TMTC1: variants seen among roughly 807,000 people sequenced by gnomAD.
TMTC1 encodes transmembrane O-mannosyltransferase targeting cadherins 1.
In TMTC1, 73 loss-of-function variants were observed where a neutral mutation model predicts 104.8. The ratio of observed to expected loss-of-function variants is 0.70; its 90% CI spans 0.58 to 0.85. The LOEUF is 0.85. Ranked by LOEUF, TMTC1 falls within the 40% of genes least tolerant of loss-of-function variation. The probability of loss-of-function intolerance (pLI) is 0.00; values close to 1 mark genes in which losing one functional copy is unlikely to be tolerated. For missense variants in TMTC1, 1,035 were observed against 1,096.1 expected, an observed-to-expected ratio of 0.94 and a Z score of 0.79; for synonymous variants, 434 against 428.7, an observed-to-expected ratio of 1.01 and a Z score of -0.15.
intron 5 of TMTC1, among the ~76,000 whole-genome samples, chr12:29,728,707 G>A (rs1226696699): frequency 6.6e-6 from 1 of 151,828 alleles, no homozygotes; most frequent in Admixed American, 6.6e-5. Context: ...GGCTTAAAAA[G>A]CACTGCTCTG....
intron 5 of TMTC1, among the ~76,000 whole-genome samples, chr12:29,732,318 C>T (rs1942565105): frequency 6.6e-6 from 1 of 152,072 alleles, no homozygotes; most frequent in Admixed American, 6.5e-5. Flanking sequence ...AGGTAGATGA[C>T]AAGAAAGGAA....
intron 5 of TMTC1, among the ~76,000 whole-genome samples, chr12:29,687,635 C>A (rs1941136062): frequency 6.6e-6 from 1 of 152,112 alleles, no homozygotes; most frequent in Non-Finnish European, 1.5e-5. Context: ...AAAAGAATGT[C>A]CTTGTGTACT....
At chr12:29,782,004 A>G (rs1943845465) in intron 1 of TMTC1, among the ~76,000 whole-genome samples, 1 of 152,222 alleles carries the variant, frequency 6.6e-6, no homozygotes. Flanking sequence ...GGCTGTTACA[A>G]AGATAGCAAG....
chr12:29,523,693 G>A (rs909649392), intron 11 of TMTC1, among the ~76,000 whole-genome samples: 6 of 152,160 alleles, frequency 3.9e-5, no homozygotes, highest in African/African-American at 1.4e-4. Flanking sequence ...AGTGAGCTTT[G>A]TAAGATGGTT....
intron 10 of TMTC1, among the ~76,000 whole-genome samples, chr12:29,542,374 C>T (rs773447096): frequency 2.6e-5 from 4 of 152,144 alleles, no homozygotes; most frequent in Admixed American, 6.5e-5. Context: ...TGCAGGTAAG[C>T]GTAAAACTGC....
chr12:29,737,678 C>A (rs1019501901), intron 5 of TMTC1, among the ~76,000 whole-genome samples: 1 of 152,140 alleles, frequency 6.6e-6, no homozygotes, highest in Admixed American at 6.5e-5. Context: ...GGCTTGACCT[C>A]TACAGCCTGG....
intron 5 of TMTC1, among the ~76,000 whole-genome samples, chr12:29,720,840 T>C (rs1000020839): frequency 6.6e-6 from 1 of 152,128 alleles, no homozygotes; most frequent in Non-Finnish European, 1.5e-5. Context: ...AATAAAAATA[T>C]ATCCACATGT....
At chr12:29,635,757 A>G (rs986903232) in intron 5 of TMTC1, among the ~76,000 whole-genome samples, 2 of 152,252 alleles carry the variant, frequency 1.3e-5, no homozygotes, top group African/African-American at 4.8e-5. Context: ...ACAACAGAAC[A>G]TGCCACATCA....
chr12:29,645,057 T>C (rs1437793282), intron 5 of TMTC1, among the ~76,000 whole-genome samples: 3 of 152,234 alleles, frequency 2.0e-5, no homozygotes, highest in African/African-American at 7.2e-5. Context: ...TCAGGAGCAG[T>C]GACTATGTCT....
chr12:29,503,578 T>C lies in TMTC1; in HGVS notation c.*3268A>G, dbSNP rs913469313. On this transcript the variant is annotated 3_prime_UTR_variant, in exon 18 of 18. Transcript: ENST00000539277. ...ATGGACTGGAAAAAGAGGGGTGATA[T>C]ATACATGAGGAACTCTAAATGTAGC... 7 of 152,126 alleles carry C rather than the reference T, an allele frequency of 4.6e-5. No individual in the cohort carries two copies. Among genetic ancestry groups the C allele is most frequent in the Non-Finnish European group, 8.8e-5 (6 of 68,028 alleles). The allele number at this position is 152,126 out of a possible 1,614,324, so 9.4% of individuals were successfully genotyped here. A position where few individuals can be genotyped will look rare whatever the true frequency, so the allele number is the denominator to read the frequency against.
intron 10 of TMTC1, among the ~76,000 whole-genome samples, chr12:29,553,991 G>T (rs1036243599): frequency 8.5e-5 from 13 of 152,110 alleles, no homozygotes; most frequent in African/African-American, 3.1e-4. Context: ...TGGCTTCTAT[G>T]GGTAAAATAC....
chr12:29,688,503 G>C (rs1264491834), intron 5 of TMTC1, among the ~76,000 whole-genome samples: 1 of 152,028 alleles, frequency 6.6e-6, no homozygotes, highest in Non-Finnish European at 1.5e-5. Flanking sequence ...TGCCACCATG[G>C]GGCATCACTG....
intron 5 of TMTC1, among the ~76,000 whole-genome samples, chr12:29,705,182 T>A (rs933034792): frequency 6.6e-6 from 1 of 152,144 alleles, no homozygotes; most frequent in Admixed American, 6.5e-5. Flanking sequence ...CTGGAGGGGC[T>A]GACTCTATCA....
chr12:29,583,675 G>A, intron 7 of TMTC1, 101 bp from the exon 8 acceptor site: 1 of 1,118,000 alleles, frequency 8.9e-7, no homozygotes, highest in Non-Finnish European at 1.2e-6. Flanking sequence ...AGCTTGTCCT[G>A]TGCTAGAGAA....
chr12:29,725,961 GAGA>G (rs761159530), intron 5 of TMTC1, among the ~76,000 whole-genome samples: 2 of 152,234 alleles, frequency 1.3e-5, no homozygotes, highest in African/African-American at 4.8e-5. Flanking sequence ...CTGCTGGAAG[GAGA>G]AGAATTCCGG....
chr12:29,776,156 G>C lies in TMTC1; in HGVS notation c.302+7294C>G, dbSNP rs376102816. On this transcript the variant is annotated intron_variant, in intron 1 of 17. Transcript: ENST00000539277. ...GTAGTGAGAACCCCCTATAATTCTG[G>C]GTTTTGAAGGTACAGCTGCTGTTTC... Among the ~76,000 whole-genome samples the C allele has an allele frequency of 8.5e-5, 13 of 152,228 alleles. No individual in the cohort carries two copies. In the East Asian group the frequency reaches 2.1e-3, roughly 25 times the overall value.
chr12:29,608,408 C>T (rs1946758771), intron 6 of TMTC1, among the ~76,000 whole-genome samples: 2 of 152,116 alleles, frequency 1.3e-5, no homozygotes, highest in South Asian at 2.1e-4. Flanking sequence ...GGACAAAGAA[C>T]GAATGGAAAT....
intron 5 of TMTC1, among the ~76,000 whole-genome samples, chr12:29,639,476 A>C (rs1938728631): frequency 1.3e-5 from 2 of 152,260 alleles, no homozygotes. Context: ...AAAGTCTAAA[A>C]TAAAATATCA....
At chr12:29,649,919 GATTT>G (rs1335638955) in intron 5 of TMTC1, among the ~76,000 whole-genome samples, 2 of 152,080 alleles carry the variant, frequency 1.3e-5, no homozygotes, top group Non-Finnish European at 2.9e-5. Flanking sequence ...ATGTTCTAAG[GATTT>G]ATTTTTGTAT....
Sources: gnomAD v4.1 joint callset for allele counts (sites outside exome capture counted in the v4.1 genomes callset) on GRCh38, gnomAD v4.1.1 for gene constraint, MANE v1.5 for transcripts, NCBI Gene and HGNC (gene_info 2026-07-23, HGNC 2026-07-21) for gene names.